EML5: variants seen among roughly 807,000 people sequenced by gnomAD.
The protein encoded by EML5 is echinoderm microtubule-associated protein-like 5.
In EML5, 120 loss-of-function variants were observed where a neutral mutation model predicts 250.0. That is an observed-to-expected ratio of 0.48 (90% confidence interval 0.41 to 0.56). EML5 has a LOEUF of 0.56. EML5 is among the 20% of genes least tolerant of loss of function. The pLI is 0.00. For missense variants in EML5, 2,006 were observed against 2,437.6 expected (o/e 0.82, Z 3.73); for synonymous variants, 771 against 806.5 (o/e 0.96, Z 0.75).
chr14:88,749,434 A>G (rs1434304215), intron 2 of EML5, among the ~76,000 whole-genome samples: 1 of 152,198 alleles, frequency 6.6e-6, no homozygotes, highest in African/African-American at 2.4e-5. Context: ...AGATATGATC[A>G]TGAAAGTTTT....
chr14:88,621,827 G>A (rs2089010682), intron 37 of EML5: 1 of 455,358 alleles, frequency 2.2e-6, no homozygotes, highest in Non-Finnish European at 4.4e-6. Flanking sequence ...AGGGCATAGG[G>A]TAATACGCAT....
intron 1 of EML5, among the ~76,000 whole-genome samples, chr14:88,769,291 T>C (rs1367443419): frequency 6.6e-6 from 1 of 152,030 alleles, no homozygotes; most frequent in African/African-American, 2.4e-5. Flanking sequence ...TGATAGTGAG[T>C]TCTCATGAGA....
At chr14:88,681,571 A>T (rs979602548) in intron 21 of EML5, among the ~76,000 whole-genome samples, 3 of 152,168 alleles carry the variant, frequency 2.0e-5, no homozygotes, top group African/African-American at 7.2e-5. Flanking sequence ...ATGCCTTAGA[A>T]AAGTTTCCAG....
intron 26 of EML5, among the ~76,000 whole-genome samples, chr14:88,657,783 C>A (rs906006545): frequency 2.3e-4 from 35 of 152,118 alleles, no homozygotes; most frequent in Admixed American, 2.2e-3. Context: ...TTAGGATATA[C>A]CCCAAATATT....
At chr14:88,616,283 C>T (rs1209975923) in intron 42 of EML5, 41 bp from the exon 43 acceptor site, 6 of 1,584,548 alleles carry the variant, frequency 3.8e-6, no homozygotes, top group Non-Finnish European at 5.2e-6. Context: ...ATTTGGTGCA[C>T]ACAGAAGTCA....
At chr14:88,778,536 T>C (rs1415211117) in intron 1 of EML5, among the ~76,000 whole-genome samples, 2 of 152,220 alleles carry the variant, frequency 1.3e-5, no homozygotes, top group African/African-American at 4.8e-5. Flanking sequence ...ATCCTAGAAC[T>C]TTGGGAGGCC....
At chr14:88,640,952 C>T (rs1359724099) in intron 31 of EML5, among the ~76,000 whole-genome samples, 1 of 151,830 alleles carries the variant, frequency 6.6e-6, no homozygotes, top group Admixed American at 6.6e-5. Context: ...ACTAGAAGAT[C>T]TAGAGGCTAT....
intron 1 of EML5, among the ~76,000 whole-genome samples, chr14:88,771,081 A>C (rs1024230424): frequency 6.6e-6 from 1 of 152,232 alleles, no homozygotes; most frequent in Non-Finnish European, 1.5e-5. Context: ...TCTTCCTCAT[A>C]AATCTCCATT....
At chr14:88,654,238 G>A (rs2091770322) in intron 27 of EML5, among the ~76,000 whole-genome samples, 1 of 152,018 alleles carries the variant, frequency 6.6e-6, no homozygotes, top group Non-Finnish European at 1.5e-5. Context: ...ACCAGCTCCT[G>A]GATTCACTGA....
chr14:88,665,452 A>G lies in EML5; in HGVS notation c.3162T>C (p.Ala1054=), dbSNP rs772669228. Residue 1054 remains alanine, a synonymous_variant, in exon 22 of 44, where the codon GCT becomes GCC. Transcript: ENST00000554922. ...TTCCATCGTTGAGACCTACGGCTAAAGCTTTACCATCAGGAGAAAAACAGC... is the reference window on the plus strand; with the variant it reads ...TTCCATCGTTGAGACCTACGGCTAAGGCTTTACCATCAGGAGAAAAACAGC... ...RCCCFSPDGK[A]LAVGLNDGSF... The G allele has an allele frequency of 6.2e-7, 1 of 1,614,016 alleles. No individual in the cohort carries two copies. The highest frequency in any genetic ancestry group is 1.1e-5 in the South Asian group (1 of 91,080).
chr14:88,682,558 CCCT>C (rs2092737191), intron 20 of EML5, among the ~76,000 whole-genome samples: 1 of 152,170 alleles, frequency 6.6e-6, no homozygotes, highest in South Asian at 2.1e-4. Context: ...CTCCCTTCCT[CCCT>C]CCTCATCTGG....
chr14:88,744,068 C>G lies in EML5; in HGVS notation c.480G>C (p.Leu160Phe), dbSNP rs751727403. Reference protein sequence around the residue: ...TDRIFDISWDLYQPNKLVSCG... With the variant: ...TDRIFDISWDFYQPNKLVSCG... ...AGCTGACAAGTTTATTTGGCTGGTA[C>G]AAATCCCAAGAAATATCAAATATCT... Residue 160 changes from leucine to phenylalanine, a missense_variant, in exon 4 of 44, where the codon TTG becomes TTC. Coordinates refer to ENST00000554922, the MANE Select transcript of EML5 (RefSeq NM_183387.3). The G allele has an allele frequency of 8.9e-6, 14 of 1,572,240 alleles. No homozygotes were observed. Among genetic ancestry groups the G allele is most frequent in the Non-Finnish European group, 1.2e-5 (14 of 1,155,714 alleles).
At chr14:88,779,515 TAGA>T (rs2094476498) in intron 1 of EML5, among the ~76,000 whole-genome samples, 1 of 152,232 alleles carries the variant, frequency 6.6e-6, no homozygotes, top group Non-Finnish European at 1.5e-5. Flanking sequence ...CTGTCATCTT[TAGA>T]AGGTGACCAA....
intron 1 of EML5, among the ~76,000 whole-genome samples, chr14:88,759,879 T>C (rs923173420): frequency 2.0e-5 from 3 of 152,130 alleles, no homozygotes; most frequent in African/African-American, 7.2e-5. Flanking sequence ...TCACCAGCAA[T>C]GTAAGAAAGT....
intron 1 of EML5, among the ~76,000 whole-genome samples, chr14:88,768,582 T>C (rs1445474828): frequency 6.6e-6 from 1 of 152,078 alleles, no homozygotes; most frequent in East Asian, 1.9e-4. Context: ...GGCTAATTTT[T>C]TGTATTTTTA....
intron 35 of EML5, 74 bp from the exon 36 acceptor site, chr14:88,625,201 G>C (rs1260265508): frequency 3.0e-5 from 45 of 1,520,054 alleles, no homozygotes; most frequent in Non-Finnish European, 2.7e-5. Flanking sequence ...AATTTTCTAT[G>C]TATGTGTAAT....
intron 21 of EML5, among the ~76,000 whole-genome samples, chr14:88,680,049 T>C (rs1411576468): frequency 6.6e-6 from 1 of 152,204 alleles, no homozygotes; most frequent in Non-Finnish European, 1.5e-5. Context: ...TGAAACTTTC[T>C]TCATTTTATG....
intron 1 of EML5, among the ~76,000 whole-genome samples, chr14:88,768,120 C>G (rs1481223519): frequency 6.6e-6 from 1 of 152,176 alleles, no homozygotes; most frequent in Non-Finnish European, 1.5e-5. Context: ...TGGGGTTATG[C>G]ATTTTGGGTA....
At position 88,734,709 on chromosome 14, in the gene EML5, TA is replaced by T. The variant is rs1443281231; in HGVS notation, c.1049+1654del. On this transcript the variant is annotated intron_variant, in intron 7 of 43. Transcript: ENST00000554922. ...ACCTAGGAAATATCCTGAAAATTCA[TA>T]ACTGTATCTCATCAAACCTCTAAAT... is the stretch of plus-strand genomic sequence containing the variant. 2.0e-5 allele frequency among the ~76,000 whole-genome samples: 3 copies of T among 152,214 alleles called. No individual in the cohort carries two copies. In the East Asian group the frequency reaches 5.8e-4, roughly 29 times the overall value.
Sources: gnomAD v4.1 joint callset for allele counts (sites outside exome capture counted in the v4.1 genomes callset) on GRCh38, gnomAD v4.1.1 for gene constraint, MANE v1.5 for transcripts, NCBI Gene and HGNC (gene_info 2026-07-23, HGNC 2026-07-21) for gene names.